GSDMB: variants seen among roughly 807,000 people sequenced by gnomAD.
GSDMB encodes gasdermin B.
GSDMB carries 32 observed loss-of-function variants against 42.9 expected under a neutral mutation model. The ratio of observed to expected loss-of-function variants is 0.75; its 90% CI spans 0.56 to 1.00. GSDMB has a LOEUF of 1.00. Ranked by LOEUF, GSDMB falls within the 50% of genes least tolerant of loss-of-function variation. The probability of loss-of-function intolerance (pLI) is 0.00; values close to 1 mark genes in which losing one functional copy is unlikely to be tolerated. For missense variants in GSDMB, 468 were observed against 498.5 expected (o/e 0.94, Z 0.58); for synonymous variants, 175 against 193.7 (o/e 0.90, Z 0.80).
intron 2 of GSDMB, among the ~76,000 whole-genome samples, chr17:39,914,297 C>T (rs544477530): frequency 6.6e-5 from 10 of 152,106 alleles, no homozygotes; most frequent in South Asian, 2.1e-4. Context: ...AACAGAGGGA[C>T]GTTCTACAGT....
At chr17:39,907,272 G>A in intron 6 of GSDMB, 1 of 1,135,140 alleles carries the variant, frequency 8.8e-7, no homozygotes, top group East Asian at 4.2e-5. Context: ...CGCAAATTTG[G>A]GTCAGACTTC....
chr17:39,915,415 T>C (rs955646457), intron 2 of GSDMB, among the ~76,000 whole-genome samples: 4 of 152,262 alleles, frequency 2.6e-5, no homozygotes, highest in African/African-American at 9.6e-5. Flanking sequence ...GTTTCACCTC[T>C]GCCTCCGAAT....
At chr17:39,910,060 C>T in intron 3 of GSDMB, 136 bp from the exon 4 acceptor site, 1 of 702,346 alleles carries the variant, frequency 1.4e-6, no homozygotes, top group Non-Finnish European at 2.4e-6. Flanking sequence ...ACACAGCACC[C>T]CATCGCAGTT....
intron 2 of GSDMB, among the ~76,000 whole-genome samples, chr17:39,913,262 A>G (rs181426115): frequency 3.2e-4 from 49 of 152,372 alleles, no homozygotes; most frequent in African/African-American, 1.1e-3. Context: ...TTGTAGGCTG[A>G]AACAAGACAA....
chr17:39,909,456 G>A (rs1485543501), intron 4 of GSDMB: 1 of 394,898 alleles, frequency 2.5e-6, no homozygotes, highest in Non-Finnish European at 4.6e-6. Flanking sequence ...CAGCACTTTG[G>A]GAGGCCGAGG....
chr17:39,911,184 G>A (rs764991372), intron 3 of GSDMB, among the ~76,000 whole-genome samples: 6 of 151,916 alleles, frequency 3.9e-5, no homozygotes, highest in African/African-American at 9.7e-5. Context: ...TTAGCTAGGC[G>A]TGGTGGCGGG....
At chr17:39,917,369 G>A (rs779064946) in intron 1 of GSDMB, 39 bp from the exon 2 acceptor site, 1 of 1,204,100 alleles carries the variant, frequency 8.3e-7, no homozygotes, top group Admixed American at 1.7e-5. Flanking sequence ...TGGGAGGAGG[G>A]TATTGGTTCA....
intron 3 of GSDMB, 152 bp from the exon 4 acceptor site, chr17:39,910,076 T>A: frequency 1.5e-6 from 1 of 655,016 alleles, no homozygotes; most frequent in Non-Finnish European, 2.6e-6. Context: ...CAGTTCACTT[T>A]ACCCACCTCG....
At chr17:39,909,488 G>A (rs893299188) in intron 4 of GSDMB, 3 of 421,158 alleles carry the variant, frequency 7.1e-6, no homozygotes, top group African/African-American at 6.0e-5. Flanking sequence ...CTTGAGCCCA[G>A]GAGTTTGAGA....
intron 7 of GSDMB, chr17:39,906,723 G>A (rs11078926): frequency 0.43 from 532,836 of 1,239,398 alleles, 119,890 homozygotes; most frequent in Non-Finnish European, 0.46. Context: ...TTCTGGAGAC[G>A]GGACTCAGTC....
intron 9 of GSDMB, 73 bp from the exon 10 acceptor site, chr17:39,905,569 A>G: frequency 2.5e-6 from 3 of 1,210,128 alleles, no homozygotes; most frequent in Non-Finnish European, 3.6e-6. Context: ...GATCACACCC[A>G]GAACATGTAT....
At chr17:39,913,111 T>TCAAAA (rs5820308) in intron 2 of GSDMB, among the ~76,000 whole-genome samples, 21 of 149,678 alleles carry the variant, frequency 1.4e-4, no homozygotes, top group South Asian at 4.3e-4. Flanking sequence ...CCTCTCTGCC[T>TCAAAA]CAAAACAAAA....
chr17:39,917,274 C>T lies in GSDMB; in HGVS notation c.43G>A (p.Glu15Lys), dbSNP rs535962170. ...ATCATATCCCCTCCAGCATCCATCT[C>T]CTTAACTACAATTCTTGTGATTTCC... is the stretch of plus-strand genomic sequence containing the variant. Reference protein sequence around the residue: ...FEEITRIVVKEMDAGGDMIAV... With the variant: ...FEEITRIVVKKMDAGGDMIAV... Residue 15 changes from glutamate (E) to lysine (K), a missense_variant, in exon 2 of 11, where the codon GAG becomes AAG. Transcript: ENST00000418519. 7.1e-5 allele frequency: 114 copies of T among 1,613,762 alleles called. No homozygotes were observed. Among genetic ancestry groups the T allele is most frequent in the South Asian group, 1.2e-4 (11 of 91,076 alleles).
At chr17:39,904,997 G>C in intron 10 of GSDMB, 33 bp from the exon 11 acceptor site, 1 of 1,597,910 alleles carries the variant, frequency 6.3e-7, no homozygotes, top group South Asian at 1.1e-5. Flanking sequence ...GTAACAGCTA[G>C]GAACAACGAT....
intron 7 of GSDMB, 148 bp from the exon 8 acceptor site, chr17:39,906,419 C>T (rs2063506155): frequency 1.1e-6 from 1 of 930,282 alleles, no homozygotes; most frequent in African/African-American, 1.7e-5. Flanking sequence ...AAGCATCCTT[C>T]TTCCAAGATA....
At chr17:39,906,080 T>C in intron 8 of GSDMB, 31 bp downstream of exon 8, 1 of 1,613,552 alleles carries the variant, frequency 6.2e-7, no homozygotes, top group Non-Finnish European at 8.5e-7. Context: ...CCTATCTCTC[T>C]CTGCCCCAAG....
At chr17:39,907,273 G>A in intron 6 of GSDMB, 2 of 1,117,256 alleles carry the variant, frequency 1.8e-6, no homozygotes, top group Non-Finnish European at 2.3e-6. Flanking sequence ...GCAAATTTGG[G>A]TCAGACTTCT....
chr17:39,910,047 G>C (rs1598276475), intron 3 of GSDMB, 123 bp from the exon 4 acceptor site: 1 of 754,434 alleles, frequency 1.3e-6, no homozygotes, highest in East Asian at 2.5e-5. Flanking sequence ...GGAAAACCAA[G>C]GAACACAGCA....
chr17:39,905,632 A>C, intron 9 of GSDMB, 136 bp from the exon 10 acceptor site: 1 of 894,252 alleles, frequency 1.1e-6, no homozygotes, highest in Non-Finnish European at 1.8e-6. Flanking sequence ...CTTACTCCAA[A>C]CAGGCCTCTG....
Sources: allele counts gnomAD v4.1 joint callset (sites outside exome capture counted in the v4.1 genomes callset), GRCh38; gene constraint gnomAD v4.1.1; transcripts MANE v1.5; gene names NCBI Gene and HGNC (gene_info 2026-07-23, HGNC 2026-07-21).